The following LNPK variants were observed in gnomAD, a reference collection of about 807,000 sequenced individuals.
The protein encoded by LNPK is lunapark, ER junction formation factor.
Under a neutral mutation model 55.2 loss-of-function variants are expected in LNPK, and 29 were observed. The ratio of observed to expected loss-of-function variants is 0.53; its 90% CI spans 0.39 to 0.72. The LOEUF (loss-of-function observed/expected upper bound fraction) is 0.72, where lower values mean the gene tolerates loss of function less well. Ranked by LOEUF, LNPK falls within the 30% of genes least tolerant of loss-of-function variation. The probability of loss-of-function intolerance (pLI) is 0.00; values close to 1 mark genes in which losing one functional copy is unlikely to be tolerated. For missense variants in LNPK, 467 were observed against 494.8 expected (o/e 0.94, Z 0.53); for synonymous variants, 162 against 168.2 (o/e 0.96, Z 0.29).
chr2:175,949,399 T>C (rs939800259), intron 8 of LNPK, among the ~76,000 whole-genome samples: 1 of 152,148 alleles, frequency 6.6e-6, no homozygotes, highest in Admixed American at 6.6e-5. Flanking sequence ...TAGGATTTGA[T>C]AATTTAAACT....
intron 5 of LNPK, among the ~76,000 whole-genome samples, chr2:175,979,175 TG>T (rs998281419): frequency 1.1e-4 from 16 of 151,582 alleles, no homozygotes; most frequent in Non-Finnish European, 2.1e-4. Context: ...GTGAAAAAAA[TG>T]GGTTGAGGTA....
rs1386308739 is a variant in LNPK at position 175,935,479 on chromosome 2, A to C, written c.1054+1865T>G. 2.0e-5 allele frequency among the ~76,000 whole-genome samples: 3 copies of C among 152,324 alleles called. No individual in the cohort carries two copies. In the East Asian group the frequency reaches 5.8e-4, roughly 29 times the overall value. On this transcript the variant is annotated intron_variant, in intron 12 of 12. Coordinates refer to ENST00000272748, the MANE Select transcript of LNPK (RefSeq NM_030650.3). ...TGTTTACTAAAGGAAGCCAGCTTGG[A>C]ATTGATAACTGTGTGTCACAGTGTT...
At chr2:175,965,018 C>T (rs2105631595) in intron 6 of LNPK, among the ~76,000 whole-genome samples, 1 of 152,252 alleles carries the variant, frequency 6.6e-6, no homozygotes, top group Non-Finnish European at 1.5e-5. Flanking sequence ...AATCTCTGTG[C>T]CAATTAACTG....
At chr2:175,937,017 A>C (rs1030980418) in intron 12 of LNPK, among the ~76,000 whole-genome samples, 1 of 152,188 alleles carries the variant, frequency 6.6e-6, no homozygotes, top group Non-Finnish European at 1.5e-5. Flanking sequence ...CATAATTCCA[A>C]TAATCTGTTT....
chr2:175,993,372 A>G (rs1687785748), intron 2 of LNPK, 149 bp from the exon 3 acceptor site: 1 of 500,068 alleles, frequency 2.0e-6, no homozygotes, highest in South Asian at 4.1e-5. Flanking sequence ...AGATTTATTT[A>G]AATAAAAATT....
Position 175,993,211 on chromosome 2 carries a change from T to C in LNPK, c.40A>G (p.Thr14Ala), listed in dbSNP as rs544046656. The C allele has an allele frequency of 1.2e-5, 18 of 1,560,916 alleles. No individual in the cohort carries two copies. The South Asian group carries it at 2.2e-4, about 19-fold the overall frequency. Reference sequence around the variant, plus strand: ...TCTATACTTTCTAGAACTTCTACAGTTGAAGGTTTTGTCTGTTATACAAAC... The same window carrying C: ...TCTATACTTTCTAGAACTTCTACAGCTGAAGGTTTTGTCTGTTATACAAAC... ...LFSRWRTKPS[T>A]VEVLESIDKE... The change falls in exon 3 of 13, where the codon ACT (threonine) becomes GCT (alanine). Residue 14 changes from threonine to alanine, a missense_variant. Thr to Ala is a moderately conservative substitution (Grantham distance 58). Transcript: ENST00000272748.
rs1688057298 is a variant in LNPK, at chr2:175,998,813, A to T, written c.-62-3167T>A. ...TCATGTAGCTCCAGCTAGGGACAGAACTGGTACTAGAAGTCTGCAAGCACA... is the reference window on the plus strand; with the variant it reads ...TCATGTAGCTCCAGCTAGGGACAGATCTGGTACTAGAAGTCTGCAAGCACA... On this transcript the variant is annotated intron_variant, in intron 1 of 12. Transcript: ENST00000272748. Among the ~76,000 whole-genome samples, 3 of 152,212 alleles carry T rather than the reference A, an allele frequency of 2.0e-5. No homozygotes were observed. In the South Asian group the frequency reaches 6.2e-4, roughly 32 times the overall value.
chr2:175,943,738 A>G (rs895129544), intron 9 of LNPK, among the ~76,000 whole-genome samples: 1 of 152,112 alleles, frequency 6.6e-6, no homozygotes, highest in African/African-American at 2.4e-5. Context: ...GATTTAAAAG[A>G]AAACCTTCAG....
intron 2 of LNPK, 29 bp from the exon 3 acceptor site, chr2:175,993,252 C>T: frequency 7.1e-7 from 1 of 1,418,160 alleles, no homozygotes; most frequent in South Asian, 1.4e-5. Context: ...CAAGAGACAG[C>T]ATTAAAACTT....
intron 12 of LNPK, among the ~76,000 whole-genome samples, chr2:175,931,409 T>C (rs1048438168): frequency 6.6e-6 from 1 of 152,318 alleles, no homozygotes; most frequent in Admixed American, 6.5e-5. Flanking sequence ...TAGAAATCCA[T>C]GGTTTTACCA....
intron 9 of LNPK, among the ~76,000 whole-genome samples, chr2:175,941,772 C>T (rs2105543710): frequency 9.0e-6 from 1 of 111,530 alleles, no homozygotes; most frequent in South Asian, 2.9e-4. Context: ...GACTGGGCAA[C>T]ACAGCGAGAT....
chr2:175,968,476 T>G (rs945210099), intron 6 of LNPK, among the ~76,000 whole-genome samples: 1 of 152,202 alleles, frequency 6.6e-6, no homozygotes, highest in African/African-American at 2.4e-5. Flanking sequence ...TGCTCATGGA[T>G]GCAGAGGGAT....
Position 175,928,377 on chromosome 2 carries a change from T to C in LNPK, c.*1590A>G, listed in dbSNP as rs1414278679. 2 of 151,896 alleles carry C rather than the reference T, an allele frequency of 1.3e-5. No individual in the cohort carries two copies. The highest frequency in any genetic ancestry group is 2.9e-5 in the Non-Finnish European group (2 of 67,956). The allele number at this position is 151,896 out of a possible 1,614,324, so 9.4% of individuals were successfully genotyped here. ...AACATAACTCTTCCCATTTTACAGA[T>C]GAAAAAATAATCTCAGTGAGTTTAT... On this transcript the variant is annotated 3_prime_UTR_variant, in exon 13 of 13. Coordinates refer to ENST00000272748, the MANE Select transcript of LNPK (RefSeq NM_030650.3).
In LNPK at chr2:175,993,186, T is replaced by C. The variant is rs749410153; in HGVS notation, c.65A>G (p.Asp22Gly). ...CCTCACAGCCAAAGAACATACCTTA[T>C]CTATACTTTCTAGAACTTCTACAGT... ...PSTVEVLESI[D>G]KEIQALEEFR... The change falls in exon 3 of 13, where the codon GAT becomes GGT. Residue 22 changes from aspartate (D) to glycine (G), a missense_variant. Physicochemically the swap from Asp to Gly is moderately conservative, Grantham distance 94. Transcript: ENST00000272748. The C allele has an allele frequency of 6.5e-7, 1 of 1,550,124 alleles. No individual in the cohort carries two copies. Among genetic ancestry groups the C allele is most frequent in the Non-Finnish European group, 8.8e-7 (1 of 1,137,200 alleles).
intron 4 of LNPK, among the ~76,000 whole-genome samples, chr2:175,990,770 AATAG>A (rs1687666619): frequency 6.6e-6 from 1 of 152,144 alleles, no homozygotes; most frequent in Admixed American, 6.6e-5. Flanking sequence ...AGCTCACTGA[AATAG>A]AAGCTACAAC....
At chr2:175,955,668 A>G (rs1685657499) in intron 8 of LNPK, among the ~76,000 whole-genome samples, 1 of 152,216 alleles carries the variant, frequency 6.6e-6, no homozygotes, top group Non-Finnish European at 1.5e-5. Flanking sequence ...ACATGCCCAA[A>G]AAACAGCAAA....
intron 9 of LNPK, among the ~76,000 whole-genome samples, chr2:175,943,642 A>C (rs1051388051): frequency 2.0e-5 from 3 of 152,122 alleles, no homozygotes; most frequent in African/African-American, 4.8e-5. Flanking sequence ...CTATATGAAC[A>C]GGCATTAAAA....
At chr2:175,976,488 C>A (rs1442526474) in intron 5 of LNPK, among the ~76,000 whole-genome samples, 1 of 152,168 alleles carries the variant, frequency 6.6e-6, no homozygotes, top group Non-Finnish European at 1.5e-5. Context: ...GATAATTGGT[C>A]AAACATTATT....
intron 8 of LNPK, among the ~76,000 whole-genome samples, chr2:175,962,248 C>G (rs1686075768): frequency 6.6e-6 from 1 of 152,188 alleles, no homozygotes; most frequent in African/African-American, 2.4e-5. Flanking sequence ...ATTGCCAAGA[C>G]AATCCTAAGC....
Sources: allele counts gnomAD v4.1 joint callset (sites outside exome capture counted in the v4.1 genomes callset), GRCh38; gene constraint gnomAD v4.1.1; transcripts MANE v1.5; gene names NCBI Gene and HGNC (gene_info 2026-07-23, HGNC 2026-07-21).